Variants in NMNAT1 observed in about 807,000 individuals in gnomAD.
NMNAT1 encodes nicotinamide nucleotide adenylyltransferase 1, also known as nicotinamide/nicotinic acid mononucleotide adenylyltransferase 1.
A neutral mutation model predicts 16.7 loss-of-function variants in NMNAT1; 11 were observed. The observed-to-expected ratio is 0.66, with a 90% CI of 0.41 to 1.09. The LOEUF is 1.09. Among genes scored for constraint, NMNAT1 ranks in the 50% least tolerant of loss-of-function variants. The pLI, the probability that NMNAT1 is intolerant of heterozygous loss-of-function variation, is 0.00. For synonymous variants in NMNAT1, 110 were observed against 119.8 expected (o/e 0.92, Z 0.53); for missense variants, 280 against 332.3 (o/e 0.84, Z 1.22).
At chr1:9,972,435 G>T (rs545211150) in intron 2 of NMNAT1, 38 of 279,958 alleles carry the variant, frequency 1.4e-4, no homozygotes, top group African/African-American at 8.2e-4. Context: ...GGCGGAGGTT[G>T]CAGTGAGCTG....
At chr1:9,967,403 T>C (rs1182430201) in intron 1 of NMNAT1, 1 of 153,918 alleles carries the variant, frequency 6.5e-6, no homozygotes, top group Non-Finnish European at 1.5e-5. Context: ...AGTAGTTTCA[T>C]GATAAAGGGT....
chr1:9,978,664 C>T (rs1465098851), intron 3 of NMNAT1, among the ~76,000 whole-genome samples: 1 of 152,224 alleles, frequency 6.6e-6, no homozygotes, highest in African/African-American at 2.4e-5. Flanking sequence ...CTACCCGACC[C>T]TCTGGCTTTA....
chr1:9,995,251 T>C, the NMNAT1 span, among the ~76,000 whole-genome samples: 1 of 151,982 alleles, frequency 6.6e-6, no homozygotes, highest in Non-Finnish European at 1.5e-5. Context: ...TTAAAAAAAT[T>C]AGTCAGGCAT....
upstream of NMNAT1, chr1:9,943,157 G>A: frequency 5.6e-6 from 1 of 177,880 alleles, no homozygotes; most frequent in East Asian, 1.4e-4. Context: ...AGTCCGGCAC[G>A]TAGGTCCCGC....
chr1:9,951,740 A>G (rs898450206), intron 1 of NMNAT1, among the ~76,000 whole-genome samples: 5 of 152,136 alleles, frequency 3.3e-5, no homozygotes, highest in Non-Finnish European at 7.4e-5. Context: ...CTTCCAAAGT[A>G]CTGGGATTAG....
intron 1 of NMNAT1, among the ~76,000 whole-genome samples, chr1:9,947,806 C>T (rs1444793679): frequency 1.3e-5 from 2 of 152,172 alleles, no homozygotes; most frequent in Non-Finnish European, 2.9e-5. Context: ...TCAGCATCAC[C>T]TGTCACCTGG....
chr1:9,958,994 T>G (rs1002543508), intron 1 of NMNAT1, among the ~76,000 whole-genome samples: 1 of 152,214 alleles, frequency 6.6e-6, no homozygotes, highest in Non-Finnish European at 1.5e-5. Flanking sequence ...CTACCACAAC[T>G]TGCACAAGCA....
downstream of NMNAT1, among the ~76,000 whole-genome samples, chr1:9,990,461 G>A (rs1029555756): frequency 3.9e-5 from 6 of 152,112 alleles, no homozygotes; most frequent in Non-Finnish European, 7.4e-5. Context: ...ACTCCTCATC[G>A]CATCTCACTG....
In NMNAT1 at chr1:9,982,006, G is replaced by C. The variant is rs140680211; in HGVS notation, c.440-295G>C. On this transcript the variant is annotated intron_variant, in intron 4 of 4. Transcript: ENST00000377205. ...AGCCTCTCAAGTATCTGGGGTTACA[G>C]GCGTGCGCCACCACACCCGGCTAAT... Among the ~76,000 whole-genome samples, 1,084 of 152,254 alleles carry C rather than the reference G, an allele frequency of 7.1e-3. 3 individuals are homozygous for C. Among genetic ancestry groups the C allele is most frequent in the South Asian group, 0.03 (147 of 4,820 alleles).
chr1:9,986,133 G>A (rs1180863882), downstream of NMNAT1, among the ~76,000 whole-genome samples: 2 of 152,142 alleles, frequency 1.3e-5, no homozygotes, highest in African/African-American at 4.8e-5. Flanking sequence ...GCCGTGGACA[G>A]TATTTCCCAA....
chr1:9,945,206 C>T (rs1640948196), intron 1 of NMNAT1, among the ~76,000 whole-genome samples: 1 of 151,950 alleles, frequency 6.6e-6, no homozygotes, highest in African/African-American at 2.4e-5. Context: ...TGCACTGCAG[C>T]CTGGGTGACA....
intron 3 of NMNAT1, among the ~76,000 whole-genome samples, chr1:9,980,578 A>T (rs912941121): frequency 6.6e-6 from 1 of 151,802 alleles, no homozygotes; most frequent in African/African-American, 2.4e-5. Context: ...AGCTGAGATC[A>T]CACACTGCAC....
At chr1:9,985,853 G>A (rs951861878), downstream of NMNAT1, among the ~76,000 whole-genome samples, 2 of 152,162 alleles carry the variant, frequency 1.3e-5, no homozygotes, top group Non-Finnish European at 2.9e-5. Flanking sequence ...AGTAGAGACA[G>A]GGTTTCACCG....
At chr1:9,974,371 A>G (rs1570707167) in intron 2 of NMNAT1, among the ~76,000 whole-genome samples, 1 of 146,248 alleles carries the variant, frequency 6.8e-6, no homozygotes, top group East Asian at 2.1e-4. Flanking sequence ...GACTACAGGC[A>G]TGCCACCACA....
chr1:9,993,653 T>C, the NMNAT1 span, among the ~76,000 whole-genome samples: 2 of 152,098 alleles, frequency 1.3e-5, no homozygotes, highest in Non-Finnish European at 2.9e-5. Context: ...TAAGTGGTCC[T>C]GGCAAGAGAT....
At chr1:9,980,988 C>A in intron 3 of NMNAT1, 43 bp from the exon 4 acceptor site, 1 of 1,578,556 alleles carries the variant, frequency 6.3e-7, no homozygotes, top group South Asian at 1.2e-5. Flanking sequence ...TCTAATGGAG[C>A]ATGTGAGAAA....
chr1:9,960,903 T>C (rs1641388112), intron 1 of NMNAT1: 1 of 152,158 alleles, frequency 6.6e-6, no homozygotes, highest in South Asian at 2.1e-4. Flanking sequence ...CCTATACGCA[T>C]GCGCATGTGC....
In NMNAT1 at chr1:9,981,089, CT is replaced by C; in HGVS notation, c.359del (p.Leu120GlnfsTer22). On this transcript the variant is annotated frameshift_variant, in exon 4 of 5. Transcript: ENST00000377205. LOFTEE classifies it high-confidence loss of function. ...DCDHQQNSPTLERPGRKRKWT... is the reference protein window; with the variant it reads ...DCDHQQNSPTXERPGRKRKWT... ...TGATCACCAGCAGAACTCACCTACT[CT>C]AGAAAGGCCTGGAAGGAAGAGGAAG... 6.2e-7 allele frequency: 1 copy of C among 1,613,928 alleles called. No homozygotes were observed. Among genetic ancestry groups the C allele is most frequent in the Admixed American group, 1.7e-5 (1 of 59,942 alleles).
intron 1 of NMNAT1, among the ~76,000 whole-genome samples, chr1:9,949,365 A>G (rs1043787108): frequency 1.3e-5 from 2 of 150,194 alleles, no homozygotes; most frequent in African/African-American, 4.9e-5. Context: ...GTTATAATCT[A>G]TAAGGGGGAG....
Sources: gnomAD v4.1 joint callset for allele counts (sites outside exome capture counted in the v4.1 genomes callset) on GRCh38, gnomAD v4.1.1 for gene constraint, MANE v1.5 for transcripts, NCBI Gene and HGNC (gene_info 2026-07-23, HGNC 2026-07-21) for gene names.